Variants in KDM6A observed in about 807,000 individuals in gnomAD.
The protein encoded by KDM6A is lysine demethylase 6A, also known as lysine-specific demethylase 6A.
Under a neutral mutation model 117.6 loss-of-function variants are expected in KDM6A, and 11 were observed. The ratio of observed to expected loss-of-function variants is 0.09; its 90% confidence interval spans 0.06 to 0.15. KDM6A has a LOEUF of 0.15. KDM6A is among the 10% of genes least tolerant of loss of function. The pLI is 1.00. For missense variants in KDM6A, 799 were observed against 1,077.3 expected (o/e 0.74, Z 3.62); for synonymous variants, 384 against 396.1 (o/e 0.97, Z 0.36).
At chrX:45,015,227 C>T (rs2041914235) in intron 5 of KDM6A, among the ~76,000 whole-genome samples, 1 of 110,230 alleles carries the variant, frequency 9.1e-6, no homozygotes, top group Non-Finnish European at 1.9e-5. Flanking sequence ...CTCAGCCTCC[C>T]GAATAGCTTG....
chrX:44,898,516 C>G (rs1377088390), intron 2 of KDM6A, among the ~76,000 whole-genome samples: 1 of 111,390 alleles, frequency 9.0e-6, no homozygotes, highest in Non-Finnish European at 1.9e-5. Context: ...GACACCAGGC[C>G]TGTGTGTGCA....
chrX:44,931,645 A>G (rs1441552682), intron 2 of KDM6A, among the ~76,000 whole-genome samples: 1 of 111,563 alleles, frequency 9.0e-6, no homozygotes, highest in Non-Finnish European at 1.9e-5. Flanking sequence ...CATATGAAGC[A>G]TCTAAAGTAG....
chrX:44,990,020 C>T (rs1260496853), intron 4 of KDM6A, among the ~76,000 whole-genome samples: 2 of 111,818 alleles, frequency 1.8e-5, no homozygotes, highest in African/African-American at 6.5e-5. Context: ...TTATAGACCA[C>T]TGTCTTAGAG....
intron 4 of KDM6A, among the ~76,000 whole-genome samples, chrX:44,998,067 C>T (rs1602507281): frequency 9.0e-6 from 1 of 111,587 alleles, no homozygotes; most frequent in South Asian, 3.8e-4. Flanking sequence ...ATAGAAAGTG[C>T]ATGTTTTGCA....
intron 27 of KDM6A, among the ~76,000 whole-genome samples, chrX:45,102,131 A>G (rs928276985): frequency 2.7e-5 from 3 of 111,884 alleles, no homozygotes; most frequent in African/African-American, 9.7e-5. Context: ...AATCTGAGAC[A>G]TTGGTTTTAA....
At position 45,083,510 on chromosome X, in the gene KDM6A, T is replaced by C; in HGVS notation, c.3491T>C (p.Val1164Ala). Residue 1164 changes from valine to alanine, a missense_variant, in exon 24 of 30, where the codon GTC becomes GCC. Val to Ala is a moderately conservative substitution (Grantham distance 64). This residue lies in a region of KDM6A where 291 missense variants were observed against 437.9 expected (regional missense o/e 0.66). Transcript: ENST00000611820. ...ACTAAACTTCCTGCTTTTGTGCGTG[T>C]CGTATCAGCAGGAAATCTTCTAAGC... Reference protein sequence around the residue: ...ELTKLPAFVRVVSAGNLLSHV... With the variant: ...ELTKLPAFVRAVSAGNLLSHV... The C allele has an allele frequency of 8.3e-7, 1 of 1,208,496 alleles. No individual in the cohort carries two copies. Among genetic ancestry groups the C allele is most frequent in the Non-Finnish European group, 1.1e-6 (1 of 892,680 alleles).
In KDM6A at chrX:45,062,628, C is replaced by CT. The variant is rs763215015; in HGVS notation, c.1582-14dup. On this transcript the variant is annotated intron_variant, in intron 15 of 29. Transcript: ENST00000611820. ...CTAAATATATCTTTGACTATATTCT[C>CT]TTTTTGTTCTTCTTCTAGCATTTGG... 9 of 1,109,120 alleles carry CT rather than the reference C, an allele frequency of 8.1e-6. No individual in the cohort carries two copies. In the Admixed American group the frequency reaches 2.0e-4, roughly 24 times the overall value. 91.4% of individuals were successfully genotyped at this position (1,109,120 alleles called of 1,213,427 possible). A position where few individuals can be genotyped will look rare whatever the true frequency, so the allele number is the denominator to read the frequency against.
In KDM6A at chrX:45,037,993, G is replaced by A. The variant is rs757918332; in HGVS notation, c.654+304G>A. On this transcript the variant is annotated intron_variant, in intron 8 of 29. Coordinates refer to ENST00000611820, the MANE Select transcript of KDM6A (RefSeq NM_001291415.2). ...TCCCACTGGTTTGGGAGGCCAAGGC[G>A]GGTAGATCACTTGAGGCCAGGAGTT... is the stretch of plus-strand genomic sequence containing the variant. 6.3e-5 allele frequency among the ~76,000 whole-genome samples: 7 copies of A among 111,701 alleles called. No homozygotes were observed. In the South Asian group the frequency reaches 1.1e-3, roughly 18 times the overall value.
chrX:44,895,217 T>G (rs1449044964), intron 2 of KDM6A, among the ~76,000 whole-genome samples: 1 of 108,759 alleles, frequency 9.2e-6, no homozygotes, highest in Non-Finnish European at 1.9e-5. Flanking sequence ...GCCATTCTCC[T>G]GCCTCAACCT....
At chrX:44,916,438 A>G (rs988847726) in intron 2 of KDM6A, among the ~76,000 whole-genome samples, 4 of 111,081 alleles carry the variant, frequency 3.6e-5, no homozygotes, top group African/African-American at 1.3e-4. Context: ...CAATTTACTT[A>G]TCAACACTGA....
chrX:44,904,957 G>A (rs1163810539), intron 2 of KDM6A, among the ~76,000 whole-genome samples: 4 of 111,916 alleles, frequency 3.6e-5, no homozygotes, highest in South Asian at 3.6e-4. Context: ...CTATTTGCTC[G>A]TTTTCTCATG....
At position 45,111,639 on chromosome X, in the gene KDM6A, A is replaced by G. The variant is rs1225966825; in HGVS notation, c.*228A>G. The G allele has an allele frequency of 5.3e-6, 2 of 374,846 alleles. No homozygotes were observed. Among genetic ancestry groups the G allele is most frequent in the East Asian group, 4.0e-5 (1 of 25,104 alleles). 30.9% of individuals were successfully genotyped at this position (374,846 alleles called of 1,213,427 possible). A position where few individuals can be genotyped will look rare whatever the true frequency, so the allele number is the denominator to read the frequency against. ...ACTTCAGAAAAAAATAATAATTTCC[A>G]TGTTTTGTATATATCTGACAAAACT... On this transcript the variant is annotated 3_prime_UTR_variant, in exon 30 of 30. Transcript: ENST00000611820.
chrX:45,086,779 CTTCTT>C (rs1434405444), intron 25 of KDM6A, among the ~76,000 whole-genome samples: 3 of 111,717 alleles, frequency 2.7e-5, no homozygotes, highest in African/African-American at 9.8e-5. Context: ...ACCTTATTCT[CTTCTT>C]TTCTAGAAAG....
intron 27 of KDM6A, among the ~76,000 whole-genome samples, chrX:45,091,758 GT>G (rs1376836692): frequency 1.6e-4 from 18 of 111,862 alleles, no homozygotes; most frequent in African/African-American, 5.5e-4. Context: ...ATAAAAATAA[GT>G]TTGTCTTAGT....
chrX:45,045,711 C>T (rs1053297735), intron 8 of KDM6A, among the ~76,000 whole-genome samples: 12 of 111,274 alleles, frequency 1.1e-4, no homozygotes, highest in Middle Eastern at 4.6e-3. Flanking sequence ...TTTTTAAGAC[C>T]GAATAATATT....
chrX:44,957,977 AT>A (rs2038433999), intron 2 of KDM6A, among the ~76,000 whole-genome samples: 1 of 111,443 alleles, frequency 9.0e-6, no homozygotes, highest in Non-Finnish European at 1.9e-5. Flanking sequence ...TGCACTAACC[AT>A]GTTTCAAAGT....
In KDM6A at chrX:45,063,586, G is replaced by A. The variant is rs2147993919; in HGVS notation, c.1848G>A (p.Gly616=). 1 of 1,211,494 alleles carries A rather than the reference G, an allele frequency of 8.3e-7. No homozygotes were observed. Among genetic ancestry groups the A allele is most frequent in the Non-Finnish European group, 1.1e-6 (1 of 895,342 alleles). The change falls in exon 17 of 30, where the codon GGG becomes GGA. Residue 616 remains glycine (G), a synonymous_variant. Coordinates refer to ENST00000611820, the MANE Select transcript of KDM6A (RefSeq NM_001291415.2). ...SQPGVRPACP[G]QPLANGPFSA... is the part of the protein sequence containing the mutation. ...CTGGAGTCCGTCCTGCCTGCCCTGG[G>A]CAGCCTTTGGCCAATGGACCCTTTT...
intron 5 of KDM6A, 26 bp downstream of exon 5, chrX:45,011,045 C>T: frequency 1.9e-6 from 2 of 1,049,295 alleles, no homozygotes; most frequent in Non-Finnish European, 2.7e-6. Flanking sequence ...ACCAGTAATT[C>T]AGTCATTTTC....
intron 16 of KDM6A, 43 bp downstream of exon 16, chrX:45,062,791 A>G: frequency 1.1e-6 from 1 of 883,351 alleles, no homozygotes. Flanking sequence ...TAGCATTTTG[A>G]GTATTTTTAT....
Sources: allele counts gnomAD v4.1 joint callset (sites outside exome capture counted in the v4.1 genomes callset), GRCh38; gene constraint gnomAD v4.1.1; regional missense constraint gnomAD v4.1.1; transcripts MANE v1.5; gene names NCBI Gene and HGNC (gene_info 2026-07-23, HGNC 2026-07-21).